The following ASPHD1 variants were observed in gnomAD, a reference collection of about 807,000 sequenced individuals.
ASPHD1 encodes aspartate beta-hydroxylase domain-containing protein 1.
Under a neutral mutation model 28.3 loss-of-function variants are expected in ASPHD1, and 20 were observed. That is an observed-to-expected ratio of 0.71 (90% CI 0.50 to 1.03). ASPHD1 has a LOEUF of 1.03. ASPHD1 is among the 50% of genes least tolerant of loss of function. The pLI is 0.00. For synonymous variants in ASPHD1, 240 were observed against 221.2 expected (o/e 1.08, Z -0.75); for missense variants, 479 against 524.1 (o/e 0.91, Z 0.84).
chr16:29,910,712 A>C (rs929898723), downstream of ASPHD1, among the ~76,000 whole-genome samples: 1 of 151,774 alleles, frequency 6.6e-6, no homozygotes, highest in Non-Finnish European at 1.5e-5. Context: ...AAATGCATAC[A>C]CCCCCATTTC....
At chr16:29,916,170 T>C (rs1345949753) in intron 3 of ASPHD1, among the ~76,000 whole-genome samples, 1 of 152,208 alleles carries the variant, frequency 6.6e-6, no homozygotes, top group African/African-American at 2.4e-5. Context: ...CAGTTTCCAA[T>C]AGCATTTTCC....
At chr16:29,908,214 G>T (rs1324267047), downstream of ASPHD1, among the ~76,000 whole-genome samples, 1 of 152,060 alleles carries the variant, frequency 6.6e-6, no homozygotes, top group East Asian at 1.9e-4. Flanking sequence ...TGGGTCAGGA[G>T]TGCACCCAGT....
At chr16:29,902,300 A>G (rs1435421594) in intron 1 of ASPHD1, among the ~76,000 whole-genome samples, 1 of 152,222 alleles carries the variant, frequency 6.6e-6, no homozygotes, top group Non-Finnish European at 1.5e-5. Flanking sequence ...GCGGTGGCCC[A>G]TGCCTATGGT....
At chr16:29,916,601 T>C (rs940362758) in intron 3 of ASPHD1, among the ~76,000 whole-genome samples, 1 of 152,138 alleles carries the variant, frequency 6.6e-6, no homozygotes, top group African/African-American at 2.4e-5. Flanking sequence ...TGGAGGCTCA[T>C]GCCTGTAATC....
chr16:29,903,976 A>T (rs1034627121), intron 1 of ASPHD1, among the ~76,000 whole-genome samples: 2 of 151,970 alleles, frequency 1.3e-5, no homozygotes, highest in Admixed American at 1.3e-4. Flanking sequence ...CAGGAGGAAA[A>T]GCCATTTCCT....
intron 3 of ASPHD1, among the ~76,000 whole-genome samples, chr16:29,912,536 G>T (rs1449844311): frequency 6.6e-6 from 1 of 152,342 alleles, no homozygotes. Context: ...CACCTCCCGG[G>T]TTAAAGCAAT....
intron 3 of ASPHD1, chr16:29,912,328 C>T (rs2068728790): frequency 1.9e-6 from 1 of 523,362 alleles, no homozygotes; most frequent in South Asian, 2.5e-5. Context: ...GTCAGCGTGG[C>T]GTGTCCGTCA....
At position 29,901,741 on chromosome 16, in the gene ASPHD1, C is replaced by T; in HGVS notation, c.770C>T (p.Ala257Val). 2 of 1,552,894 alleles carry T rather than the reference C, an allele frequency of 1.3e-6. No homozygotes were observed. The highest frequency in any genetic ancestry group is 1.7e-6 in the Non-Finnish European group (2 of 1,151,088). Residue 257 changes from alanine (A) to valine (V), a missense_variant, in exon 1 of 3, where the codon GCA (alanine) becomes GTA (valine). Physicochemically the swap from Ala to Val is moderately conservative, Grantham distance 64 (BLOSUM62 0). Transcript: ENST00000308748. The surrounding 1 kb of genome is among the most constrained non-coding windows in gnomAD (Gnocchi z 5.1). ...TGCTACCAGCTCCTGCTGTACCAAG[C>T]AGGCCGGTGCCAACCCAGCAACTGC... ...PGCYQLLLYQ[A>V]GRCQPSNCRR...
At chr16:29,905,659 G>C (rs2068600086) in intron 2 of ASPHD1, 129 bp from the exon 3 acceptor site, 2 of 231,076 alleles carry the variant, frequency 8.7e-6, no homozygotes, top group Admixed American at 1.1e-4. Flanking sequence ...AAAAAGATTT[G>C]ATACATTTAA....
Position 29,904,859 on chromosome 16 carries a change from G to T in ASPHD1, c.957G>T (p.Lys319Asn). 1 of 1,611,296 alleles carries T rather than the reference G, an allele frequency of 6.2e-7. No individual in the cohort carries two copies. The highest frequency in any genetic ancestry group is 8.5e-7 in the Non-Finnish European group (1 of 1,179,168). Residue 319 changes from lysine to asparagine, a missense_variant, in exon 2 of 3, where the codon AAG (lysine) becomes AAT (asparagine). Transcript: ENST00000308748. Reference sequence around the variant, plus strand: ...CCGCGTCTCTTCTTACAGGCCTAAAGATCCCTCCTGGCTGTGAGCTGGTGG... The same window carrying T: ...CCGCGTCTCTTCTTACAGGCCTAAATATCCCTCCTGGCTGTGAGCTGGTGG... ...NARVRCHLGL[K>N]IPPGCELVVG...
chr16:29,906,815 G>A (rs2068620876), downstream of ASPHD1: 6 of 1,486,848 alleles, frequency 4.0e-6, no homozygotes, highest in South Asian at 3.5e-5. Flanking sequence ...GGAAGGGGAG[G>A]GAAAGAGAGA....
At chr16:29,906,529 T>C (rs556024724), downstream of ASPHD1, 1 of 485,106 alleles carries the variant, frequency 2.1e-6, no homozygotes, top group Admixed American at 2.3e-5. Context: ...ACTGTGGTGA[T>C]GTCAGGAAGG....
At position 29,901,652 on chromosome 16, in the gene ASPHD1, G is replaced by A. The variant is rs142768915; in HGVS notation, c.681G>A (p.Val227=). The change falls in exon 1 of 3, where the codon GTG becomes GTA. Residue 227 remains valine (V), a synonymous_variant. Transcript: ENST00000308748. This position sits in a 1 kb window ranked among gnomAD's most constrained non-coding sequence, Gnocchi z 5.1. ...FPAILRDFGA[V]SWDFSGTTPP... is the part of the protein sequence containing the mutation. ...CCATTTTGCGGGACTTCGGGGCTGT[G>A]AGCTGGGACTTCTCAGGGACTACCC... is the stretch of plus-strand genomic sequence containing the variant. 2.2e-5 allele frequency: 34 copies of A among 1,580,902 alleles called. No individual in the cohort carries two copies. In the African/African-American group the frequency reaches 3.5e-4, roughly 16 times the overall value.
chr16:29,915,187 C>A lies in ASPHD1; in HGVS notation c.*63-4344C>A, dbSNP rs534856022. 2.0e-5 allele frequency: 3 copies of A among 152,386 alleles called. No homozygotes were observed. The East Asian group carries it at 5.8e-4, about 29-fold the overall frequency. The allele number at this position is 152,386 out of a possible 1,614,324, so 9.4% of individuals were successfully genotyped here. ...GCAGCTCCACAGTTTCATCTGCCTG[C>A]TTCCTGCCTGTAAAAGTTTGGGTGT... On this transcript the variant is annotated intron_variant and NMD_transcript_variant, in intron 3 of 3. Coordinates refer to the ASPHD1 transcript ENST00000414952.
chr16:29,906,751 G>T, downstream of ASPHD1: 1 of 781,526 alleles, frequency 1.3e-6, no homozygotes, highest in Non-Finnish European at 2.1e-6. Context: ...GCCATGCAAT[G>T]AAGGGACAGA....
chr16:29,906,264 G>T (rs1375566015), downstream of ASPHD1: 4 of 192,154 alleles, frequency 2.1e-5, no homozygotes, highest in Non-Finnish European at 4.3e-5. Context: ...GATTACACGT[G>T]TGAGCCACCA....
downstream of ASPHD1, chr16:29,906,856 G>C (rs746975483): frequency 2.5e-6 from 4 of 1,605,310 alleles, no homozygotes; most frequent in African/African-American, 1.3e-5. Context: ...GAGGAAGGCA[G>C]GGGGAGGGTC....
chr16:29,904,926 C>A lies in ASPHD1; in HGVS notation c.1024C>A (p.Leu342Met), dbSNP rs2068587817. 6.2e-7 allele frequency: 1 copy of A among 1,613,580 alleles called. No homozygotes were observed. Among genetic ancestry groups the A allele is most frequent in the Non-Finnish European group, 8.5e-7 (1 of 1,179,818 alleles). Reference sequence around the variant, plus strand: ...GTGCTGGGCTGAGGGGCACTGTCTACTGGTGGACGACTCTTTTCTACACAC... The same window carrying A: ...GTGCTGGGCTGAGGGGCACTGTCTAATGGTGGACGACTCTTTTCTACACAC... ...PQCWAEGHCLLVDDSFLHTVA... is the reference protein window; with the variant it reads ...PQCWAEGHCLMVDDSFLHTVA... Residue 342 changes from leucine (L) to methionine (M), a missense_variant, in exon 2 of 3, where the codon CTG (leucine) becomes ATG (methionine). Leu to Met is a conservative substitution (Grantham distance 15). Transcript: ENST00000308748.
chr16:29,914,266 A>G (rs2068769187), intron 3 of ASPHD1: 1 of 151,988 alleles, frequency 6.6e-6, no homozygotes, highest in African/African-American at 2.4e-5. Flanking sequence ...GCTGGCTCTC[A>G]GTGATTTCCC....
Sources: allele counts gnomAD v4.1 joint callset (sites outside exome capture counted in the v4.1 genomes callset), GRCh38; gene constraint gnomAD v4.1.1; non-coding constraint Gnocchi (gnomAD v3.1); transcripts MANE v1.5; gene names NCBI Gene and HGNC (gene_info 2026-07-23, HGNC 2026-07-21).